LRCH3: variants seen among roughly 807,000 people sequenced by gnomAD.
The protein encoded by LRCH3 is leucine rich repeats and calponin homology domain containing 3.
LRCH3 carries 68 observed loss-of-function variants against 104.5 expected under a neutral mutation model. That is an observed-to-expected ratio of 0.65 (90% CI 0.54 to 0.80). The LOEUF is 0.80. Among genes scored for constraint, LRCH3 ranks in the 30% least tolerant of loss-of-function variants. LRCH3 has a pLI of 0.00. For missense variants in LRCH3, 951 were observed against 953.9 expected, an observed-to-expected ratio of 1.00 and a Z score of 0.04; for synonymous variants, 344 against 361.3, an observed-to-expected ratio of 0.95 and a Z score of 0.54.
intron 13 of LRCH3, among the ~76,000 whole-genome samples, chr3:197,853,543 T>G (rs1162003553): frequency 6.6e-6 from 1 of 152,200 alleles, no homozygotes; most frequent in Non-Finnish European, 1.5e-5. Context: ...ATAAAAGCGT[T>G]GTTTCATGTG....
intron 9 of LRCH3, among the ~76,000 whole-genome samples, chr3:197,837,792 A>G (rs953706595): frequency 6.6e-6 from 1 of 152,112 alleles, no homozygotes; most frequent in Non-Finnish European, 1.5e-5. Context: ...CACACCTGTA[A>G]TCCCAGCACT....
At chr3:197,799,319 T>C (rs1191823994) in intron 1 of LRCH3, among the ~76,000 whole-genome samples, 2 of 152,198 alleles carry the variant, frequency 1.3e-5, no homozygotes, top group African/African-American at 4.8e-5. Context: ...AAATGTATGG[T>C]CAATGTGGTA....
chr3:197,792,327 A>G (rs773016820), intron 1 of LRCH3, among the ~76,000 whole-genome samples: 1 of 151,694 alleles, frequency 6.6e-6, no homozygotes, highest in Non-Finnish European at 1.5e-5. Flanking sequence ...TGTACTTGCT[A>G]TTCCTTTTTA....
At chr3:197,867,071 T>A (rs971237985) in intron 17 of LRCH3, among the ~76,000 whole-genome samples, 3 of 151,966 alleles carry the variant, frequency 2.0e-5, no homozygotes, top group Non-Finnish European at 2.9e-5. Context: ...TTTGAGGAGT[T>A]CATGACCAGC....
chr3:197,861,551 G>T (rs895298410), intron 15 of LRCH3, among the ~76,000 whole-genome samples: 4 of 152,160 alleles, frequency 2.6e-5, no homozygotes, highest in African/African-American at 7.2e-5. Flanking sequence ...CTAGATTTAA[G>T]ATAGATAAGT....
At chr3:197,875,345 T>G (rs1231024160) in intron 19 of LRCH3, among the ~76,000 whole-genome samples, 1 of 152,224 alleles carries the variant, frequency 6.6e-6, no homozygotes, top group African/African-American at 2.4e-5. Flanking sequence ...GCCAGGAGTA[T>G]TTCTAAAGTT....
At position 197,815,908 on chromosome 3, in the gene LRCH3, C is replaced by G. The variant is rs992356034; in HGVS notation, c.407+856C>G. Among the ~76,000 whole-genome samples the G allele has an allele frequency of 5.9e-5, 9 of 152,072 alleles. 1 individual carries two copies. Among genetic ancestry groups the G allele is most frequent in the Admixed American group, 4.6e-4 (7 of 15,262 alleles). ...GATCTTTTCCTTCTGTTTTTCCAGG[C>G]TTTTAGTCAAATTTTTAAATGAGTT... On this transcript the variant is annotated intron_variant, in intron 2 of 20. Coordinates refer to ENST00000425562, the MANE Select transcript of LRCH3 (RefSeq NM_001365715.1).
intron 20 of LRCH3, among the ~76,000 whole-genome samples, chr3:197,879,874 G>C (rs112277676): frequency 0.016 from 2,458 of 151,276 alleles, 90 homozygotes; most frequent in African/African-American, 0.057. Flanking sequence ...TCAGGAAAGA[G>C]GTTGCTTCAC....
chr3:197,805,121 C>T (rs1273889689), intron 1 of LRCH3, among the ~76,000 whole-genome samples: 1 of 151,990 alleles, frequency 6.6e-6, no homozygotes, highest in Non-Finnish European at 1.5e-5. Flanking sequence ...CTCGAACTCC[C>T]GACCTCAGTG....
rs919020230 is a variant in LRCH3 at position 197,854,918 on chromosome 3, T to A, written c.1644+473T>A. ...ATACTTACAGCTCAAGATTATTCCT[T>A]CATGTTCACTTTTTAAACCCAAGGA... On this transcript the variant is annotated intron_variant, in intron 14 of 20. Coordinates refer to ENST00000425562, the MANE Select transcript of LRCH3 (RefSeq NM_001365715.1). The surrounding 1 kb of genome is among the most constrained non-coding windows in gnomAD (Gnocchi z 4.5). Among the ~76,000 whole-genome samples, 6 of 152,336 alleles carry A rather than the reference T, an allele frequency of 3.9e-5. No homozygotes were observed. Among genetic ancestry groups the A allele is most frequent in the Admixed American group, 3.9e-4 (6 of 15,312 alleles).
chr3:197,814,818 TTTA>T, intron 1 of LRCH3, 87 bp from the exon 2 acceptor site: 1 of 1,130,402 alleles, frequency 8.8e-7, no homozygotes, highest in Non-Finnish European at 1.2e-6. Flanking sequence ...GAATAATAGT[TTTA>T]TTTTTTAGTT....
intron 3 of LRCH3, 59 bp downstream of exon 3, chr3:197,817,361 T>TGTGTATATATATATATATATAC: frequency 4.0e-5 from 1 of 24,792 alleles, no homozygotes; most frequent in Non-Finnish European, 5.3e-5. Flanking sequence ...TGTGTGTGTG[T>TGTGTATATATATATATATATAC]ATATATATAT....
Position 197,848,010 on chromosome 3 carries a change from G to A in LRCH3, c.1519G>A (p.Asp507Asn), listed in dbSNP as rs35713063. 2.2e-4 allele frequency: 362 copies of A among 1,614,070 alleles called. No individual in the cohort carries two copies. In the African/African-American group the frequency reaches 4.5e-3, roughly 20 times the overall value. ...TKQIQRDAVL[D>N]FVKQKASQSP... ...GCAGATCCAGAGAGATGCTGTCCTGGACTTTGTCAAAGTGAGTCGTTTGAA... is the reference window on the plus strand; with the variant it reads ...GCAGATCCAGAGAGATGCTGTCCTGAACTTTGTCAAAGTGAGTCGTTTGAA... The change falls in exon 12 of 21, where the codon GAC (aspartate) becomes AAC (asparagine). Residue 507 changes from aspartate (D) to asparagine (N), a missense_variant. Coordinates refer to ENST00000425562, the MANE Select transcript of LRCH3 (RefSeq NM_001365715.1).
intron 1 of LRCH3, among the ~76,000 whole-genome samples, chr3:197,801,710 A>G (rs920872546): frequency 3.9e-5 from 6 of 152,170 alleles, no homozygotes; most frequent in Non-Finnish European, 8.8e-5. Context: ...TGAAGGAGGT[A>G]TATTAGTTTT....
rs1739987591 is a variant in LRCH3 at position 197,854,271 on chromosome 3, T to C, written c.1591-121T>C. The C allele has an allele frequency of 4.7e-6, 4 of 845,034 alleles. No individual in the cohort carries two copies. Among genetic ancestry groups the C allele is most frequent in the Admixed American group, 1.8e-5 (1 of 54,994 alleles). The allele number at this position is 845,034 out of a possible 1,614,324, so 52.3% of individuals were successfully genotyped here. ...AGATGATTGTGAATGTGGTCCTCTA[T>C]GTCAACGTCTTCAAAAGTATGTCTT... On this transcript the variant is annotated intron_variant, in intron 13 of 20. Coordinates refer to ENST00000425562, the MANE Select transcript of LRCH3 (RefSeq NM_001365715.1). The surrounding 1 kb of genome is among the most constrained non-coding windows in gnomAD (Gnocchi z 4.5).
intron 4 of LRCH3, 71 bp downstream of exon 4, chr3:197,820,501 A>G (rs1055568968): frequency 9.3e-7 from 1 of 1,070,784 alleles, no homozygotes; most frequent in Non-Finnish European, 1.4e-6. Flanking sequence ...AGACCAATCA[A>G]GACAAAAATG....
chr3:197,840,396 G>T (rs921349908), intron 10 of LRCH3, among the ~76,000 whole-genome samples: 4 of 152,226 alleles, frequency 2.6e-5, no homozygotes, highest in African/African-American at 9.6e-5. Context: ...GGCGGAGGTT[G>T]CAGTGAGCCG....
At chr3:197,828,303 C>T (rs1202946876) in intron 5 of LRCH3, among the ~76,000 whole-genome samples, 1 of 151,906 alleles carries the variant, frequency 6.6e-6, no homozygotes, top group African/African-American at 2.4e-5. Context: ...CATCCTACAA[C>T]CTAGAAATTT....
intron 4 of LRCH3, among the ~76,000 whole-genome samples, chr3:197,825,039 T>C (rs1330860379): frequency 6.6e-6 from 1 of 152,242 alleles, no homozygotes; most frequent in Non-Finnish European, 1.5e-5. Flanking sequence ...CTTTATTCTA[T>C]GTTCCCCCTT....
Sources: allele counts gnomAD v4.1 joint callset (sites outside exome capture counted in the v4.1 genomes callset), GRCh38; gene constraint gnomAD v4.1.1; non-coding constraint Gnocchi (gnomAD v3.1); transcripts MANE v1.5; gene names NCBI Gene and HGNC (gene_info 2026-07-23, HGNC 2026-07-21).